MEGF9: variants seen among roughly 807,000 people sequenced by gnomAD.
MEGF9 encodes multiple EGF like domains 9.
In MEGF9, 6 loss-of-function variants were observed where a neutral mutation model predicts 46.8. The observed-to-expected ratio is 0.13, with a 90% CI of 0.07 to 0.25. MEGF9 has a LOEUF of 0.25. MEGF9 is among the 10% of genes least tolerant of loss of function. The probability of loss-of-function intolerance (pLI) is 1.00; values close to 1 mark genes in which losing one functional copy is unlikely to be tolerated. For missense variants in MEGF9, 683 were observed against 792.4 expected (o/e 0.86, Z 1.66); for synonymous variants, 302 against 330.7 (o/e 0.91, Z 0.94).
chr9:120,692,448 G>C (rs1028038515), intron 1 of MEGF9, among the ~76,000 whole-genome samples: 3 of 152,132 alleles, frequency 2.0e-5, no homozygotes, highest in African/African-American at 7.2e-5. Flanking sequence ...GAGACAGTAA[G>C]TGCCCTCTAA....
chr9:120,695,281 G>A (rs1191511252), intron 1 of MEGF9, among the ~76,000 whole-genome samples: 1 of 152,056 alleles, frequency 6.6e-6, no homozygotes, highest in Admixed American at 6.6e-5. Flanking sequence ...ACATAGACAA[G>A]TAATACTTAA....
chr9:120,705,558 G>A (rs557849865), intron 1 of MEGF9, among the ~76,000 whole-genome samples: 1 of 148,230 alleles, frequency 6.7e-6, no homozygotes, highest in Non-Finnish European at 1.5e-5. Flanking sequence ...TTTTTTCAAT[G>A]AAGACAAAAT....
intron 3 of MEGF9, among the ~76,000 whole-genome samples, chr9:120,618,728 T>C (rs2043483387): frequency 6.6e-6 from 1 of 152,072 alleles, no homozygotes; most frequent in East Asian, 1.9e-4. Context: ...TGAAACCCCG[T>C]GTCTACTAAA....
At chr9:120,631,438 A>C (rs2043550081) in intron 2 of MEGF9, among the ~76,000 whole-genome samples, 3 of 151,108 alleles carry the variant, frequency 2.0e-5, no homozygotes, top group Admixed American at 2.0e-4. Flanking sequence ...CTTTTTGCTC[A>C]GAATTTGAGT....
intron 2 of MEGF9, among the ~76,000 whole-genome samples, chr9:120,655,573 C>G (rs2043672933): frequency 6.6e-6 from 1 of 152,146 alleles, no homozygotes; most frequent in Non-Finnish European, 1.5e-5. Flanking sequence ...AATCGTCCAT[C>G]ACTGAATATC....
chr9:120,623,147 A>C (rs771413844), intron 2 of MEGF9, among the ~76,000 whole-genome samples: 1 of 152,202 alleles, frequency 6.6e-6, no homozygotes, highest in Non-Finnish European at 1.5e-5. Flanking sequence ...ATTCAGATAA[A>C]GTTACTGTCC....
chr9:120,629,531 G>A (rs939673334), intron 2 of MEGF9, among the ~76,000 whole-genome samples: 2 of 152,056 alleles, frequency 1.3e-5, no homozygotes, highest in Non-Finnish European at 2.9e-5. Context: ...CCAGCTACTC[G>A]GGAGGCTGAG....
intron 1 of MEGF9, among the ~76,000 whole-genome samples, chr9:120,699,810 G>A (rs933762235): frequency 6.6e-6 from 1 of 151,058 alleles, no homozygotes. Context: ...ACTTATATAT[G>A]TTGTGAGTTT....
At position 120,634,446 on chromosome 9, in the gene MEGF9, C is replaced by CTT. The variant is rs1158273579; in HGVS notation, c.804-11693_804-11692dup. On this transcript the variant is annotated intron_variant, in intron 2 of 5. Coordinates refer to ENST00000373930, the MANE Select transcript of MEGF9 (RefSeq NM_001080497.3). Reference sequence around the variant, plus strand: ...TTTGGTTTCCATATGTGTGGAATATCTTTTTTTTTTTTTTTTTTTTTTTTT... The same window carrying CTT: ...TTTGGTTTCCATATGTGTGGAATATCTTTTTTTTTTTTTTTTTTTTTTTTTTT... 2.7e-3 allele frequency among the ~76,000 whole-genome samples: 126 copies of CTT among 46,924 alleles called. 35 individuals are homozygous for CTT. Among genetic ancestry groups the CTT allele is most frequent in the African/African-American group, 8.2e-3 (100 of 12,164 alleles). 30.8% of individuals were successfully genotyped at this position (46,924 alleles called of 152,430 possible).
chr9:120,644,552 C>A (rs971249640), intron 2 of MEGF9, among the ~76,000 whole-genome samples: 5 of 152,132 alleles, frequency 3.3e-5, no homozygotes, highest in African/African-American at 1.2e-4. Context: ...ACACTAGGAC[C>A]CACTGAAGGC....
chr9:120,681,857 C>T (rs1315491800), intron 1 of MEGF9, among the ~76,000 whole-genome samples: 1 of 152,156 alleles, frequency 6.6e-6, no homozygotes, highest in East Asian at 1.9e-4. Flanking sequence ...CAGCTCCAGG[C>T]CACAGTAGAG....
chr9:120,687,984 C>T (rs1332133882), intron 1 of MEGF9, among the ~76,000 whole-genome samples: 2 of 152,058 alleles, frequency 1.3e-5, no homozygotes, highest in African/African-American at 4.8e-5. Context: ...GAATAAGTTT[C>T]TCCCCATTGG....
At chr9:120,693,275 CAA>C (rs10633158) in intron 1 of MEGF9, among the ~76,000 whole-genome samples, 6 of 104,458 alleles carry the variant, frequency 5.7e-5, no homozygotes, top group Non-Finnish European at 9.3e-5. Context: ...TCTGGTTAAC[CAA>C]AAAAAAAAAA....
At chr9:120,664,029 T>C (rs1436537423) in intron 1 of MEGF9, among the ~76,000 whole-genome samples, 2 of 152,154 alleles carry the variant, frequency 1.3e-5, no homozygotes, top group African/African-American at 2.4e-5. Context: ...TTTTCAAACA[T>C]TCCAAAAGCC....
chr9:120,652,476 C>CT (rs1213799535), intron 2 of MEGF9, among the ~76,000 whole-genome samples: 4 of 28,448 alleles, frequency 1.4e-4, no homozygotes, highest in Non-Finnish European at 2.1e-4. Context: ...GAGATCTTGT[C>CT]TTAAAAAAAA....
rs1031385001 is a variant in MEGF9 at position 120,622,650 on chromosome 9, G to A, written c.909C>T (p.Cys303=). 1.2e-6 allele frequency: 2 copies of A among 1,613,510 alleles called. No homozygotes were observed. The highest frequency in any genetic ancestry group is 1.7e-6 in the Non-Finnish European group (2 of 1,179,806). ...CATCGCAACTGGCAGACCGATTATT[G>A]CATTGGCAGGGCAAGCAGCCATTCT... is the stretch of plus-strand genomic sequence containing the variant. ...FSKNGCLPCQ[C]NNRSASCDAL... The change falls in exon 3 of 6, where the codon TGC becomes TGT. Residue 303 remains cysteine, a synonymous_variant. Transcript: ENST00000373930.
intron 3 of MEGF9, among the ~76,000 whole-genome samples, chr9:120,619,733 A>C (rs997867605): frequency 6.6e-6 from 1 of 152,222 alleles, no homozygotes; most frequent in Non-Finnish European, 1.5e-5. Flanking sequence ...AGATTCCTGG[A>C]AATAGAACTA....
At chr9:120,694,467 C>T (rs557605462) in intron 1 of MEGF9, among the ~76,000 whole-genome samples, 17 of 152,336 alleles carry the variant, frequency 1.1e-4, no homozygotes, top group Non-Finnish European at 1.0e-4. Context: ...ATTTAGAAGG[C>T]CAATTTATGC....
At chr9:120,654,272 A>G (rs2132320224) in intron 2 of MEGF9, among the ~76,000 whole-genome samples, 1 of 152,356 alleles carries the variant, frequency 6.6e-6, no homozygotes, top group East Asian at 1.9e-4. Context: ...CATTAAAAAA[A>G]GGAAAACTAC....
Sources: gnomAD v4.1 joint callset for allele counts (sites outside exome capture counted in the v4.1 genomes callset) on GRCh38, gnomAD v4.1.1 for gene constraint, MANE v1.5 for transcripts, NCBI Gene and HGNC (gene_info 2026-07-23, HGNC 2026-07-21) for gene names.